The following MYO3A variants were observed in gnomAD, a reference collection of about 807,000 sequenced individuals.
The protein encoded by MYO3A is myosin-IIIa.
Under a neutral mutation model 192.7 loss-of-function variants are expected in MYO3A, and 180 were observed. The observed-to-expected ratio is 0.93, with a 90% CI of 0.83 to 1.06. MYO3A has a LOEUF of 1.06. Ranked by LOEUF, MYO3A falls within the 50% of genes least tolerant of loss-of-function variation. MYO3A has a pLI of 0.00. For missense variants in MYO3A, 1,896 were observed against 1,905.0 expected (o/e 1.00, Z 0.09); for synonymous variants, 628 against 645.3 (o/e 0.97, Z 0.41).
chr10:26,177,576 A>G (rs777982276), intron 31 of MYO3A, among the ~76,000 whole-genome samples: 6 of 152,166 alleles, frequency 3.9e-5, no homozygotes, highest in Non-Finnish European at 5.9e-5. Context: ...CCAGGTAGCC[A>G]TTCTCTCTGC....
In MYO3A at chr10:26,067,050, A is replaced by G. The variant is rs544012938; in HGVS notation, c.1029A>G (p.Leu343=). ...LISNLKDVDD[L]ATLEILDENT... ...CCAATCTGAAGGATGTAGATGATTTAGCAACCCTAGAAATTTTGGATGAGG... is the reference window on the plus strand; with the variant it reads ...CCAATCTGAAGGATGTAGATGATTTGGCAACCCTAGAAATTTTGGATGAGG... Residue 343 remains leucine (L), a synonymous_variant, in exon 11 of 35, where the codon TTA becomes TTG. Coordinates refer to ENST00000642920, the MANE Select transcript of MYO3A (RefSeq NM_017433.5). 9.9e-5 allele frequency: 160 copies of G among 1,611,794 alleles called. 3 individuals are homozygous for G. In the South Asian group the frequency reaches 1.6e-3, roughly 16 times the overall value.
intron 4 of MYO3A, among the ~76,000 whole-genome samples, chr10:25,966,058 G>GT (rs1265370851): frequency 6.6e-6 from 1 of 151,594 alleles, no homozygotes; most frequent in Non-Finnish European, 1.5e-5. Flanking sequence ...TTAAGAAGGT[G>GT]TTTTTTTCTG....
intron 31 of MYO3A, among the ~76,000 whole-genome samples, chr10:26,178,141 G>A (rs2000255): frequency 0.14 from 20,989 of 152,244 alleles, 1,687 homozygotes; most frequent in East Asian, 0.31. Flanking sequence ...GGGAAGGCCA[G>A]GGCTTCAGGT....
intron 27 of MYO3A, among the ~76,000 whole-genome samples, chr10:26,167,409 T>C (rs968613284): frequency 2.0e-5 from 3 of 152,172 alleles, no homozygotes; most frequent in Non-Finnish European, 2.9e-5. Context: ...CACACCATTT[T>C]CTCTTAGATT....
intron 10 of MYO3A, among the ~76,000 whole-genome samples, chr10:26,042,103 A>G (rs1012194822): frequency 6.6e-6 from 1 of 152,138 alleles, no homozygotes; most frequent in Non-Finnish European, 1.5e-5. Flanking sequence ...ATTCTAGGGT[A>G]AAATATTTTC....
At chr10:25,954,748 T>A (rs1186315300) in intron 3 of MYO3A, 126 bp from the exon 4 acceptor site, 18 of 979,420 alleles carry the variant, frequency 1.8e-5, no homozygotes, top group Non-Finnish European at 1.9e-5. Flanking sequence ...TACATAATAC[T>A]AAGCACAGTA....
At chr10:26,204,417 C>G (rs1843812917) in intron 34 of MYO3A, 1 of 152,242 alleles carries the variant, frequency 6.6e-6, no homozygotes, top group African/African-American at 2.4e-5. Context: ...TGAAAGCGTT[C>G]TATTCCTGAA....
Position 26,087,273 on chromosome 10 carries a change from T to C in MYO3A, c.1360-930T>C, listed in dbSNP as rs146476864. 7.9e-3 allele frequency among the ~76,000 whole-genome samples: 1,209 copies of C among 152,314 alleles called. 42 individuals are homozygous for C. Among genetic ancestry groups the C allele is most frequent in the Admixed American group, 0.062 (947 of 15,288 alleles). ...TTCTTCCACACCTTATTGCCTCTTTTATAAGATACCCAAAGTTCTTACACA... is the reference window on the plus strand; with the variant it reads ...TTCTTCCACACCTTATTGCCTCTTTCATAAGATACCCAAAGTTCTTACACA... On this transcript the variant is annotated intron_variant, in intron 14 of 34. Transcript: ENST00000642920.
At chr10:26,096,727 A>C in intron 17 of MYO3A, 45 bp downstream of exon 17, 1 of 1,289,882 alleles carries the variant, frequency 7.8e-7, no homozygotes, top group Non-Finnish European at 1.1e-6. Flanking sequence ...GTATCTTTTT[A>C]TCATCACTAA....
chr10:26,084,189 T>C (rs1228218009), intron 14 of MYO3A, among the ~76,000 whole-genome samples: 2 of 152,348 alleles, frequency 1.3e-5, no homozygotes, highest in Non-Finnish European at 1.5e-5. Context: ...TCTGCATCAG[T>C]TGAGATGATT....
chr10:26,051,997 A>G (rs11812152), intron 10 of MYO3A, among the ~76,000 whole-genome samples: 24,729 of 152,168 alleles, frequency 0.16, 2,299 homozygotes, highest in Non-Finnish European at 0.21. Context: ...AAACTCAAGA[A>G]CTGATTTTAA....
At chr10:26,054,661 A>T (rs1331613557) in intron 10 of MYO3A, among the ~76,000 whole-genome samples, 1 of 152,216 alleles carries the variant, frequency 6.6e-6, no homozygotes, top group African/African-American at 2.4e-5. Context: ...ATATAATCAT[A>T]AGAGTCCTTA....
intron 18 of MYO3A, among the ~76,000 whole-genome samples, chr10:26,121,513 G>C (rs7907187): frequency 0.39 from 59,436 of 151,872 alleles, 11,950 homozygotes; most frequent in Middle Eastern, 0.52. Flanking sequence ...ACTTTGGGAG[G>C]CCGAAGCTGG....
At chr10:26,189,804 G>A (rs983044898) in intron 31 of MYO3A, among the ~76,000 whole-genome samples, 7 of 152,138 alleles carry the variant, frequency 4.6e-5, no homozygotes, top group East Asian at 1.9e-4. Flanking sequence ...GGTGGCTCAC[G>A]CCTGTAATCC....
intron 4 of MYO3A, among the ~76,000 whole-genome samples, chr10:25,977,619 T>C (rs1243468605): frequency 2.0e-5 from 3 of 152,334 alleles, no homozygotes; most frequent in African/African-American, 7.2e-5. Flanking sequence ...GGTGTATTTT[T>C]TCTCAGTGTA....
chr10:26,153,930 G>C lies in MYO3A; in HGVS notation c.2715+1G>C, dbSNP rs1462454139. 1 of 1,577,202 alleles carries C rather than the reference G, an allele frequency of 6.3e-7. No individual in the cohort carries two copies. The highest frequency in any genetic ancestry group is 8.7e-7 in the Non-Finnish European group (1 of 1,147,126). Reference sequence around the variant, plus strand: ...AGAAAAATTAATCAACCTGGCAAAGGTAAGAAAATGCTTTTTTTCTTGGCA... The same window carrying C: ...AGAAAAATTAATCAACCTGGCAAAGCTAAGAAAATGCTTTTTTTCTTGGCA... On this transcript the variant is annotated splice_donor_variant, in intron 24 of 34. Transcript: ENST00000642920. LOFTEE classifies it high-confidence loss of function.
intron 10 of MYO3A, among the ~76,000 whole-genome samples, chr10:26,032,082 A>G (rs939794990): frequency 6.6e-6 from 1 of 152,200 alleles, no homozygotes; most frequent in Non-Finnish European, 1.5e-5. Flanking sequence ...TACCTTTGAT[A>G]TTTATAGATT....
intron 4 of MYO3A, among the ~76,000 whole-genome samples, chr10:25,987,316 C>G (rs1285672257): frequency 6.6e-6 from 1 of 152,084 alleles, no homozygotes; most frequent in Non-Finnish European, 1.5e-5. Flanking sequence ...GACTTCATGA[C>G]CAAGAACCCA....
chr10:26,089,013 G>C (rs940812586), intron 15 of MYO3A, among the ~76,000 whole-genome samples: 4 of 152,064 alleles, frequency 2.6e-5, no homozygotes, highest in Non-Finnish European at 5.9e-5. Context: ...GGAAACTATC[G>C]TTACACATTG....
Sources: allele counts gnomAD v4.1 joint callset (sites outside exome capture counted in the v4.1 genomes callset), GRCh38; gene constraint gnomAD v4.1.1; transcripts MANE v1.5; gene names NCBI Gene and HGNC (gene_info 2026-07-23, HGNC 2026-07-21).